The following TDRD9 variants were observed in gnomAD, a reference collection of about 807,000 sequenced individuals.
TDRD9 encodes the protein ATP-dependent RNA helicase TDRD9.
A neutral mutation model predicts 172.6 loss-of-function variants in TDRD9; 124 were observed. That is an observed-to-expected ratio of 0.72 (90% CI 0.62 to 0.83). TDRD9 has a LOEUF of 0.83. Ranked by LOEUF, TDRD9 falls within the 40% of genes least tolerant of loss-of-function variation. The pLI is 0.00. For missense variants in TDRD9, 1,479 were observed against 1,714.1 expected, an observed-to-expected ratio of 0.86 and a Z score of 2.42; for synonymous variants, 619 against 617.1, an observed-to-expected ratio of 1.00 and a Z score of -0.05.
At chr14:103,975,633 T>C in intron 7 of TDRD9, 80 bp downstream of exon 7, 1 of 1,361,646 alleles carries the variant, frequency 7.3e-7, no homozygotes, top group Non-Finnish European at 9.8e-7. Context: ...CCTATGATTG[T>C]AAGGCCCTGC....
At chr14:103,941,327 T>C in intron 1 of TDRD9, 1 of 1,162,436 alleles carries the variant, frequency 8.6e-7, no homozygotes, top group South Asian at 1.6e-5. Context: ...GAATACAGTT[T>C]CTAGTCAAAA....
At chr14:104,035,341 A>G (rs1324355439) in intron 32 of TDRD9, among the ~76,000 whole-genome samples, 2 of 152,216 alleles carry the variant, frequency 1.3e-5, no homozygotes, top group Admixed American at 6.5e-5. Context: ...GAGGCTCAAA[A>G]TAAATGTCAT....
chr14:104,003,760 T>G (rs1482552371), intron 13 of TDRD9, among the ~76,000 whole-genome samples: 1 of 152,190 alleles, frequency 6.6e-6, no homozygotes, highest in Non-Finnish European at 1.5e-5. Flanking sequence ...CGTAATGCGG[T>G]GTGGCTGACA....
At position 103,997,865 on chromosome 14, in the gene TDRD9, G is replaced by A. The variant is rs960071919; in HGVS notation, c.1379-759G>A. ...TGACCTTGACAAGAGCAGCTTTGGT[G>A]GAAGCAAGCGTCTGCTTGGAGTGGG... On this transcript the variant is annotated intron_variant, in intron 12 of 35. Transcript: ENST00000409874. The surrounding 1 kb of genome is among the most constrained non-coding windows in gnomAD (Gnocchi z 5.1). 1.3e-5 allele frequency among the ~76,000 whole-genome samples: 2 copies of A among 152,202 alleles called. No individual in the cohort carries two copies. Among genetic ancestry groups the A allele is most frequent in the African/African-American group, 4.8e-5 (2 of 41,444 alleles).
intron 7 of TDRD9, among the ~76,000 whole-genome samples, chr14:103,983,581 A>G (rs1172107631): frequency 6.6e-6 from 1 of 152,196 alleles, no homozygotes; most frequent in Non-Finnish European, 1.5e-5. Context: ...AAAAAAACCC[A>G]GTATCGCTAT....
At position 104,014,774 on chromosome 14, in the gene TDRD9, T is replaced by C. The variant is rs2034733110; in HGVS notation, c.2156T>C (p.Met719Thr). ...ELKTRISQFN[M>T]HVDSRRPVMD... ...AAGACTAGAATCTCACAGTTCAACA[T>C]GCATGTTGATTCTCGGCGACCTGTC... The change falls in exon 21 of 36, where the codon ATG (methionine) becomes ACG (threonine). Residue 719 changes from methionine (M) to threonine (T), a missense_variant. Physicochemically the swap from Met to Thr is moderately conservative, Grantham distance 81 (BLOSUM62 -1). Around this residue, in one of 3 missense-constraint regions of TDRD9, gnomAD observed 1,413 missense variants for 1,649.1 expected, o/e 0.86. Transcript: ENST00000409874. 6.2e-7 allele frequency: 1 copy of C among 1,612,712 alleles called. No individual in the cohort carries two copies. The highest frequency in any genetic ancestry group is 8.5e-7 in the Non-Finnish European group (1 of 1,179,396).
At chr14:103,982,109 A>G (rs966318907) in intron 7 of TDRD9, among the ~76,000 whole-genome samples, 1 of 152,100 alleles carries the variant, frequency 6.6e-6, no homozygotes, top group African/African-American at 2.4e-5. Flanking sequence ...CCTGGGTTTC[A>G]TGTCTCATCC....
chr14:103,995,726 G>T, intron 11 of TDRD9, 24 bp from the exon 12 acceptor site: 1 of 1,575,046 alleles, frequency 6.3e-7, no homozygotes, highest in South Asian at 1.2e-5. Flanking sequence ...AGGAATGTCA[G>T]CTTTTTTCTT....
chr14:103,965,793 A>G (rs2032715799), intron 4 of TDRD9, among the ~76,000 whole-genome samples: 1 of 151,532 alleles, frequency 6.6e-6, no homozygotes, highest in Non-Finnish European at 1.5e-5. Flanking sequence ...AAAAATACAA[A>G]AATTAGCCGG....
In TDRD9 at chr14:104,052,069, T is replaced by C; in HGVS notation, c.4136T>C (p.Val1379Ala). Reference protein sequence around the residue: ...TFLYQLHKLVVLGT With the variant: ...TFLYQLHKLVALGT ...CTCTACCAGCTCCACAAACTGGTTGTGCTCGGCACCTGAGCATGTCCACAG... is the reference window on the plus strand; with the variant it reads ...CTCTACCAGCTCCACAAACTGGTTGCGCTCGGCACCTGAGCATGTCCACAG... The change falls in exon 36 of 36, where the codon GTG becomes GCG. Residue 1379 changes from valine (V) to alanine (A), a missense_variant. By Grantham distance (64) the Val-to-Ala change is moderately conservative. Around this residue, in one of 3 missense-constraint regions of TDRD9, gnomAD observed 1,413 missense variants for 1,649.1 expected, o/e 0.86. Coordinates refer to ENST00000409874, the MANE Select transcript of TDRD9 (RefSeq NM_153046.3). 1 of 1,575,260 alleles carries C rather than the reference T, an allele frequency of 6.3e-7. No individual in the cohort carries two copies. The highest frequency in any genetic ancestry group is 8.6e-7 in the Non-Finnish European group (1 of 1,159,726).
At chr14:103,975,698 A>G (rs1333578964) in intron 7 of TDRD9, 145 bp downstream of exon 7, 2 of 816,374 alleles carry the variant, frequency 2.4e-6, no homozygotes, top group Non-Finnish European at 3.6e-6. Context: ...TTTATGGAGT[A>G]TAGTGTGGTA....
At chr14:104,026,263 G>T in intron 27 of TDRD9, 127 bp downstream of exon 27, 1 of 650,150 alleles carries the variant, frequency 1.5e-6, no homozygotes, top group Non-Finnish European at 2.7e-6. Context: ...GACAGGGAGG[G>T]ACTTGCTTTG....
chr14:103,961,416 A>C (rs1469967187), intron 2 of TDRD9, among the ~76,000 whole-genome samples: 1 of 152,058 alleles, frequency 6.6e-6, no homozygotes, highest in Non-Finnish European at 1.5e-5. Flanking sequence ...TACAAAAATT[A>C]GCCGGGTGTG....
intron 2 of TDRD9, 110 bp from the exon 3 acceptor site, chr14:103,962,969 T>A: frequency 3.5e-6 from 2 of 576,466 alleles, no homozygotes; most frequent in African/African-American, 1.9e-5. Flanking sequence ...TATTTGAGTG[T>A]GTGTGTGTGT....
intron 32 of TDRD9, among the ~76,000 whole-genome samples, chr14:104,036,740 G>A (rs1043487391): frequency 1.3e-5 from 2 of 152,144 alleles, no homozygotes; most frequent in Admixed American, 6.5e-5. Context: ...AGCTTAATAG[G>A]AAAAGGTTAT....
At chr14:104,049,120 ATGTGTG>A (rs368678111) in intron 34 of TDRD9, among the ~76,000 whole-genome samples, 4 of 101,980 alleles carry the variant, frequency 3.9e-5, no homozygotes, top group African/African-American at 1.4e-4. Context: ...GTATGTATGT[ATGTGTG>A]TGTGTGTGTG....
intron 1 of TDRD9, chr14:103,941,120 A>T: frequency 6.6e-7 from 1 of 1,522,500 alleles, no homozygotes. Context: ...GGGAAATGGT[A>T]ATGAATATTC....
intron 29 of TDRD9, 139 bp downstream of exon 29, chr14:104,031,402 C>A: frequency 1.5e-6 from 1 of 655,262 alleles, no homozygotes; most frequent in Non-Finnish European, 2.4e-6. Flanking sequence ...AATTGATCCT[C>A]TTATAATAAT....
chr14:103,974,855 G>T (rs542352193), intron 6 of TDRD9, among the ~76,000 whole-genome samples: 1 of 152,206 alleles, frequency 6.6e-6, no homozygotes, highest in African/African-American at 2.4e-5. Flanking sequence ...GCCCAGGCTG[G>T]TTTTAAACTC....
Sources: gnomAD v4.1 joint callset for allele counts (sites outside exome capture counted in the v4.1 genomes callset) on GRCh38, gnomAD v4.1.1 for gene constraint, gnomAD v4.1.1 regional missense constraint, Gnocchi (gnomAD v3.1) non-coding constraint, MANE v1.5 for transcripts, NCBI Gene and HGNC (gene_info 2026-07-23, HGNC 2026-07-21) for gene names.